Variants in ZNF892 observed in about 807,000 individuals in gnomAD.
ZNF892 encodes the protein zinc finger protein 892, also known as zinc finger protein 570-like.
chr2:95,218,720 C>A, the ZNF892 span, among the ~76,000 whole-genome samples: 1 of 152,190 alleles, frequency 6.6e-6, no homozygotes, highest in African/African-American at 2.4e-5. Flanking sequence ...TTCTCACAGT[C>A]CTGGAAGCTG....
At chr2:95,250,506 AT>A in the ZNF892 span, among the ~76,000 whole-genome samples, 1 of 148,826 alleles carries the variant, frequency 6.7e-6, no homozygotes, top group African/African-American at 2.4e-5. Context: ...AATGTTTATT[AT>A]TTGTTTATAT....
the ZNF892 span, among the ~76,000 whole-genome samples, chr2:95,227,859 C>T: frequency 6.6e-6 from 1 of 152,148 alleles, no homozygotes; most frequent in Admixed American, 6.5e-5. Context: ...CTCAAGCCAT[C>T]CTGCCAAAGT....
chr2:95,248,453 C>A, the ZNF892 span, among the ~76,000 whole-genome samples: 2 of 152,076 alleles, frequency 1.3e-5, no homozygotes, highest in African/African-American at 4.8e-5. Context: ...TGGAACATAC[C>A]CAGGTAACAA....
the ZNF892 span, among the ~76,000 whole-genome samples, chr2:95,261,296 C>CT: frequency 2.8e-3 from 396 of 141,504 alleles, 1 homozygote; most frequent in South Asian, 6.6e-3. Context: ...TTACACAATT[C>CT]TTTTTTTTTT....
At chr2:95,258,277 C>T in the ZNF892 span, among the ~76,000 whole-genome samples, 1 of 152,166 alleles carries the variant, frequency 6.6e-6, no homozygotes, top group Non-Finnish European at 1.5e-5. Context: ...GCACACCAAA[C>T]AAAGGAGGGA....
At chr2:95,257,147 C>T in the ZNF892 span, among the ~76,000 whole-genome samples, 1 of 152,202 alleles carries the variant, frequency 6.6e-6, no homozygotes, top group African/African-American at 2.4e-5. Context: ...AGGAGAGGCG[C>T]TCTGATTTTA....
At chr2:95,214,799 T>C in the ZNF892 span, 4 of 464,352 alleles carry the variant, frequency 8.6e-6, no homozygotes, top group Admixed American at 6.9e-5. Context: ...ACGAATGTGG[T>C]AAAGCCTTTA....
At chr2:95,229,486 G>A in the ZNF892 span, among the ~76,000 whole-genome samples, 2 of 151,992 alleles carry the variant, frequency 1.3e-5, no homozygotes, top group African/African-American at 2.4e-5. Context: ...CATCCCTGTG[G>A]GTGATCACTG....
chr2:95,251,583 G>A, the ZNF892 span, among the ~76,000 whole-genome samples: 1 of 152,212 alleles, frequency 6.6e-6, no homozygotes, highest in Non-Finnish European at 1.5e-5. Context: ...GACCCTCATT[G>A]TTAACAAGGC....
the ZNF892 span, among the ~76,000 whole-genome samples, chr2:95,231,094 A>T: frequency 6.6e-6 from 1 of 152,244 alleles, no homozygotes; most frequent in South Asian, 2.1e-4. Flanking sequence ...TGTTTGCCCG[A>T]GAGAAATGAA....
the ZNF892 span, among the ~76,000 whole-genome samples, chr2:95,245,194 A>G: frequency 6.6e-6 from 1 of 152,092 alleles, no homozygotes; most frequent in Non-Finnish European, 1.5e-5. Flanking sequence ...GGGAAACCGA[A>G]GGAGAAAGAG....
chr2:95,241,411 C>A, the ZNF892 span, among the ~76,000 whole-genome samples: 5 of 152,212 alleles, frequency 3.3e-5, no homozygotes, highest in East Asian at 1.9e-4. Context: ...GAATACTGGC[C>A]TGATTATTAA....
At chr2:95,241,697 T>C in the ZNF892 span, among the ~76,000 whole-genome samples, 1 of 152,050 alleles carries the variant, frequency 6.6e-6, no homozygotes, top group Non-Finnish European at 1.5e-5. Context: ...TAACAAACTT[T>C]GCTGAGCTAA....
chr2:95,217,625 G>A, the ZNF892 span, among the ~76,000 whole-genome samples: 1 of 152,208 alleles, frequency 6.6e-6, no homozygotes, highest in Non-Finnish European at 1.5e-5. Flanking sequence ...TCCACAGGGG[G>A]AGAAATAGGA....
At chr2:95,210,674 A>G in the ZNF892 span, among the ~76,000 whole-genome samples, 1 of 152,302 alleles carries the variant, frequency 6.6e-6, no homozygotes, top group African/African-American at 2.4e-5. Flanking sequence ...TCTTTCATTC[A>G]AATATTCAAC....
At chr2:95,243,411 C>T in the ZNF892 span, among the ~76,000 whole-genome samples, 2 of 151,550 alleles carry the variant, frequency 1.3e-5, no homozygotes, top group Admixed American at 6.6e-5. Flanking sequence ...TGAGGAGCGC[C>T]TCTTCCCGGC....
chr2:95,233,959 C>T, the ZNF892 span, among the ~76,000 whole-genome samples: 2 of 152,232 alleles, frequency 1.3e-5, no homozygotes, highest in African/African-American at 4.8e-5. Context: ...GGATTACAGA[C>T]ATGAACCACT....
the ZNF892 span, among the ~76,000 whole-genome samples, chr2:95,245,989 G>C: frequency 6.6e-6 from 1 of 152,104 alleles, no homozygotes; most frequent in Non-Finnish European, 1.5e-5. Context: ...AAATCGAAAA[G>C]GAGGGACTCC....
the ZNF892 span, among the ~76,000 whole-genome samples, chr2:95,254,346 T>G: frequency 6.6e-6 from 1 of 152,184 alleles, no homozygotes; most frequent in Non-Finnish European, 1.5e-5. Flanking sequence ...AATCATGTGG[T>G]TTTTGTTGTT....
Sources: allele counts gnomAD v4.1 joint callset (sites outside exome capture counted in the v4.1 genomes callset), GRCh38; gene constraint gnomAD v4.1.1; transcripts MANE v1.5; gene names NCBI Gene and HGNC (gene_info 2026-07-23, HGNC 2026-07-21).